SLC9C1: variants seen among roughly 807,000 people sequenced by gnomAD.
SLC9C1 encodes the protein solute carrier family 9 member C1.
In SLC9C1, 97 loss-of-function variants were observed where a neutral mutation model predicts 140.9. That is an observed-to-expected ratio of 0.69 (90% CI 0.58 to 0.82). The LOEUF is 0.82. Ranked by LOEUF, SLC9C1 falls within the 40% of genes least tolerant of loss-of-function variation. The probability of loss-of-function intolerance (pLI) is 0.00; values close to 1 mark genes in which losing one functional copy is unlikely to be tolerated. For missense variants in SLC9C1, 1,340 were observed against 1,389.3 expected, an observed-to-expected ratio of 0.96 and a Z score of 0.56; for synonymous variants, 440 against 442.6, an observed-to-expected ratio of 0.99 and a Z score of 0.07.
chr3:112,177,809 G>A (rs998811785), intron 23 of SLC9C1, among the ~76,000 whole-genome samples: 7 of 147,250 alleles, frequency 4.8e-5, no homozygotes, highest in Admixed American at 2.0e-4. Context: ...TATAGCAGAT[G>A]TGCTGCTCTG....
intron 20 of SLC9C1, among the ~76,000 whole-genome samples, chr3:112,196,347 A>G (rs137982165): frequency 6.6e-6 from 1 of 152,230 alleles, no homozygotes; most frequent in East Asian, 1.9e-4. Context: ...CAGTTTGATT[A>G]TAATGTGTCT....
At chr3:112,193,732 G>A (rs1291369375) in intron 20 of SLC9C1, among the ~76,000 whole-genome samples, 1 of 152,108 alleles carries the variant, frequency 6.6e-6, no homozygotes, top group Admixed American at 6.5e-5. Flanking sequence ...GCCTGGGGGT[G>A]TGTTATCTAC....
chr3:112,162,979 T>C (rs1482993345), intron 26 of SLC9C1, among the ~76,000 whole-genome samples: 1 of 129,822 alleles, frequency 7.7e-6, no homozygotes, highest in Non-Finnish European at 1.6e-5. Context: ...GAGATTCAAC[T>C]TCTTCCTGGT....
At chr3:112,272,080 C>G (rs1355115754) in intron 6 of SLC9C1, among the ~76,000 whole-genome samples, 1 of 152,132 alleles carries the variant, frequency 6.6e-6, no homozygotes, top group African/African-American at 2.4e-5. Flanking sequence ...AGGCTCTTTG[C>G]TGGAACTACA....
intron 6 of SLC9C1, among the ~76,000 whole-genome samples, chr3:112,273,681 C>T (rs1425488703): frequency 6.6e-6 from 1 of 152,074 alleles, no homozygotes; most frequent in African/African-American, 2.4e-5. Context: ...TCCCTGGTTG[C>T]ACAACAATGA....
rs1239496263 is a variant in SLC9C1, at chr3:112,208,381, AC to A, written c.1791-9del. ...ATACGAAAAAAGAAGTATCTGTAAA[AC>A]AAAAAGACAGTTTTATCTGATAAAA... On this transcript the variant is annotated splice_polypyrimidine_tract_variant and intron_variant, in intron 15 of 28. Transcript: ENST00000305815. The A allele has an allele frequency of 6.6e-7, 1 of 1,508,718 alleles. No individual in the cohort carries two copies. The highest frequency in any genetic ancestry group is 8.9e-7 in the Non-Finnish European group (1 of 1,121,098). The allele number at this position is 1,508,718 out of a possible 1,614,324, so 93.5% of individuals were successfully genotyped here. A position where few individuals can be genotyped will look rare whatever the true frequency, so the allele number is the denominator to read the frequency against.
intron 20 of SLC9C1, among the ~76,000 whole-genome samples, chr3:112,192,285 C>A (rs2077680132): frequency 6.6e-6 from 1 of 152,096 alleles, no homozygotes; most frequent in Admixed American, 6.6e-5. Context: ...CAGCCCCTGG[C>A]AACTACAATT....
intron 20 of SLC9C1, chr3:112,186,027 A>G: frequency 7.1e-7 from 1 of 1,413,694 alleles, no homozygotes; most frequent in Non-Finnish European, 9.4e-7. Context: ...TATGTGTATT[A>G]GCCATTTAAA....
At chr3:112,164,407 G>T (rs1461672324) in intron 26 of SLC9C1, among the ~76,000 whole-genome samples, 1 of 136,162 alleles carries the variant, frequency 7.3e-6, no homozygotes, top group African/African-American at 2.9e-5. Flanking sequence ...GCAGCAGCTG[G>T]TACCGGTTGT....
intron 2 of SLC9C1, among the ~76,000 whole-genome samples, chr3:112,285,269 T>C (rs1445676541): frequency 6.6e-6 from 1 of 152,146 alleles, no homozygotes; most frequent in Non-Finnish European, 1.5e-5. Flanking sequence ...GAAGGTGTGA[T>C]GCTATGTCAC....
intron 25 of SLC9C1, 40 bp from the exon 26 acceptor site, chr3:112,167,387 A>T: frequency 1.3e-6 from 2 of 1,529,464 alleles, no homozygotes; most frequent in Non-Finnish European, 1.8e-6. Flanking sequence ...CTGAGCAAAT[A>T]TCCTACAATT....
intron 13 of SLC9C1, among the ~76,000 whole-genome samples, chr3:112,225,699 C>T (rs935374049): frequency 4.5e-4 from 68 of 152,168 alleles, no homozygotes; most frequent in African/African-American, 1.6e-3. Flanking sequence ...TGTAAAGACG[C>T]CCACAGACTG....
chr3:112,271,245 A>G (rs2108317015), intron 6 of SLC9C1, among the ~76,000 whole-genome samples: 1 of 152,188 alleles, frequency 6.6e-6, no homozygotes, highest in African/African-American at 2.4e-5. Flanking sequence ...ATAAGTTTTC[A>G]GATCTATTCC....
intron 20 of SLC9C1, chr3:112,185,353 T>C (rs2077513402): frequency 1.5e-6 from 1 of 659,298 alleles, no homozygotes; most frequent in South Asian, 2.0e-5. Context: ...AAAAAAATAA[T>C]AAAAGGTCTC....
chr3:112,151,858 T>A lies in SLC9C1; in HGVS notation c.3523A>T (p.Arg1175Trp). 1 of 1,611,794 alleles carries A rather than the reference T, an allele frequency of 6.2e-7. No individual in the cohort carries two copies. The change falls in exon 28 of 29, where the codon AGG becomes TGG. Residue 1175 changes from arginine (R) to tryptophan (W), a missense_variant and splice_region_variant. Transcript: ENST00000305815. ...GTTGAGGAAACCAGAGTGGCTTACC[T>A]GACTTTCCTTAGGTTTATTCTAGGG... ...ESPRINLRKV[R>W]KE
Position 112,221,243 on chromosome 3 carries a change from C to A in SLC9C1, c.1573-18G>T. On this transcript the variant is annotated intron_variant, in intron 13 of 28. Transcript: ENST00000305815. Reference sequence around the variant, plus strand: ...TAGCTTGCCTAAAAAAATATTAATTCAAGTCATTATATAGCATGAATAACG... The same window carrying A: ...TAGCTTGCCTAAAAAAATATTAATTAAAGTCATTATATAGCATGAATAACG... 6.2e-7 allele frequency: 1 copy of A among 1,600,130 alleles called. No individual in the cohort carries two copies. Among genetic ancestry groups the A allele is most frequent in the South Asian group, 1.1e-5 (1 of 90,382 alleles).
At chr3:112,233,654 C>A (rs2078897930) in intron 12 of SLC9C1, among the ~76,000 whole-genome samples, 1 of 145,326 alleles carries the variant, frequency 6.9e-6, no homozygotes, top group African/African-American at 2.5e-5. Context: ...CAGCAGTCCC[C>A]AGTGTGTGAT....
intron 10 of SLC9C1, among the ~76,000 whole-genome samples, chr3:112,254,677 A>G (rs1015083187): frequency 6.6e-6 from 1 of 152,110 alleles, no homozygotes; most frequent in East Asian, 1.9e-4. Context: ...TAAAGCAACT[A>G]TACAAACAAA....
chr3:112,216,069 G>C (rs982657649), intron 15 of SLC9C1, among the ~76,000 whole-genome samples: 1 of 152,106 alleles, frequency 6.6e-6, no homozygotes, highest in Non-Finnish European at 1.5e-5. Flanking sequence ...ACAACCATCT[G>C]ATCTTTGACA....
Sources: allele counts gnomAD v4.1 joint callset (sites outside exome capture counted in the v4.1 genomes callset), GRCh38; gene constraint gnomAD v4.1.1; transcripts MANE v1.5; gene names NCBI Gene and HGNC (gene_info 2026-07-23, HGNC 2026-07-21).